The following SHH variants were observed in gnomAD, a reference collection of about 807,000 sequenced individuals.
SHH encodes sonic hedgehog protein.
SHH carries 3 observed loss-of-function variants against 16.6 expected under a neutral mutation model. The ratio of observed to expected loss-of-function variants is 0.18; its 90% CI spans 0.08 to 0.47. The LOEUF (loss-of-function observed/expected upper bound fraction) is 0.47, where lower values mean the gene tolerates loss of function less well. Ranked by LOEUF, SHH falls within the 20% of genes least tolerant of loss-of-function variation. The pLI is 0.98. For missense variants in SHH, 499 were observed against 665.0 expected (o/e 0.75, Z 2.75); for synonymous variants, 351 against 316.2 (o/e 1.11, Z -1.17).
rs1306061587 is a variant in SHH, at chr7:155,803,100, G to A, written c.1189C>T (p.Arg397Cys). ...LAALAPARTD[R>C]GGDSGGGDRG... ...TCCCCGCCGCCGCTGTCCCCGCCGC[G>A]GTCCGTGCGCGCGGGCGCCAGTGCA... The change falls in exon 3 of 3, where the codon CGC becomes TGC. Residue 397 changes from arginine to cysteine, a missense_variant. This residue lies in a region of SHH where 299 missense variants were observed against 301.1 expected (regional missense o/e 0.99). Coordinates refer to ENST00000297261, the MANE Select transcript of SHH (RefSeq NM_000193.4). 5 of 1,346,446 alleles carry A rather than the reference G, an allele frequency of 3.7e-6. No individual in the cohort carries two copies. Among genetic ancestry groups the A allele is most frequent in the East Asian group, 6.2e-5 (2 of 32,220 alleles). 83.4% of individuals were successfully genotyped at this position (1,346,446 alleles called of 1,614,324 possible). A position where few individuals can be genotyped will look rare whatever the true frequency, so the allele number is the denominator to read the frequency against.
In SHH at chr7:155,809,959, C is replaced by T. The variant is rs1022804119; in HGVS notation, c.300+1864G>A. Among the ~76,000 whole-genome samples, 1 of 151,700 alleles carries T rather than the reference C, an allele frequency of 6.6e-6. No homozygotes were observed. Among genetic ancestry groups the T allele is most frequent in the African/African-American group, 2.4e-5 (1 of 41,384 alleles). ...GGCGGAGCCCGCGATGCGCCCCGGC[C>T]CCTGCGCGGGCGCCCCCATCTCCGC... On this transcript the variant is annotated intron_variant, in intron 1 of 2. Coordinates refer to ENST00000297261, the MANE Select transcript of SHH (RefSeq NM_000193.4). This position sits in a 1 kb window ranked among gnomAD's most constrained non-coding sequence, Gnocchi z 6.1.
rs1023281072 is a variant in SHH, at chr7:155,809,823, C to T, written c.300+2000G>A. ...CTGGGCCCTGCGTCCCCCGGCAGGG[C>T]GGACGGGGGTCGGGGGGAGGCCCCC... is the stretch of plus-strand genomic sequence containing the variant. On this transcript the variant is annotated intron_variant, in intron 1 of 2. Coordinates refer to ENST00000297261, the MANE Select transcript of SHH (RefSeq NM_000193.4). This position sits in a 1 kb window ranked among gnomAD's most constrained non-coding sequence, Gnocchi z 6.1. Among the ~76,000 whole-genome samples the T allele has an allele frequency of 6.6e-6, 1 of 151,760 alleles. No individual in the cohort carries two copies. Among genetic ancestry groups the T allele is most frequent in the Non-Finnish European group, 1.5e-5 (1 of 67,894 alleles).
Position 155,803,421 on chromosome 7 carries a change from C to T in SHH, c.868G>A (p.Gly290Ser), listed in dbSNP as rs1352873388. Residue 290 changes from glycine (G) to serine (S), a missense_variant, in exon 3 of 3, where the codon GGC (glycine) becomes AGC (serine). Physicochemically the swap from Gly to Ser is moderately conservative, Grantham distance 56. Around this residue, in one of 4 missense-constraint regions of SHH, gnomAD observed 299 missense variants for 301.1 expected, o/e 0.99. Transcript: ENST00000297261. ...GCGCCCCCGGAAGGCGGCCCCGAGC[C>T]CGAGGACGCCTCGGGCTCCCCGGTG... Reference protein sequence around the residue: ...SATGEPEASSGSGPPSGGALG... With the variant: ...SATGEPEASSSSGPPSGGALG... 11 of 1,529,890 alleles carry T rather than the reference C, an allele frequency of 7.2e-6. No individual in the cohort carries two copies. The South Asian group carries it at 1.2e-4, about 17-fold the overall frequency. 94.8% of individuals were successfully genotyped at this position (1,529,890 alleles called of 1,614,324 possible). A position where few individuals can be genotyped will look rare whatever the true frequency, so the allele number is the denominator to read the frequency against.
intron 1 of SHH, 26 bp from the exon 2 acceptor site, chr7:155,806,583 G>A: frequency 6.2e-7 from 1 of 1,610,112 alleles, no homozygotes; most frequent in African/African-American, 1.3e-5. Context: ...GACCCCCACC[G>A]ACGGACACGT....
intron 1 of SHH, among the ~76,000 whole-genome samples, chr7:155,808,563 G>A (rs982613137): frequency 2.6e-5 from 4 of 152,200 alleles, no homozygotes; most frequent in Admixed American, 2.0e-4. Context: ...GGTTGCTGGA[G>A]TTGGCGCCCC....
In SHH at chr7:155,802,004, T is replaced by C. The variant is rs1167451489; in HGVS notation, c.*896A>G. ...CTCCATCCTCGTGGGCTCGTCACTA[T>C]GTGCGCTTTTAAAAAATATTATTTT... On this transcript the variant is annotated 3_prime_UTR_variant, in exon 3 of 3. Coordinates refer to ENST00000297261, the MANE Select transcript of SHH (RefSeq NM_000193.4). 6.7e-6 allele frequency: 1 copy of C among 149,632 alleles called. No homozygotes were observed. The highest frequency in any genetic ancestry group is 6.7e-5 in the Admixed American group (1 of 14,876). The allele number at this position is 149,632 out of a possible 1,614,324, so 9.3% of individuals were successfully genotyped here. A position where few individuals can be genotyped will look rare whatever the true frequency, so the allele number is the denominator to read the frequency against.
rs1803166130 is a variant in SHH, at chr7:155,800,912, C to A, written c.*1988G>T. The A allele has an allele frequency of 7.4e-6, 2 of 269,214 alleles. No individual in the cohort carries two copies. The highest frequency in any genetic ancestry group is 7.5e-6 in the Non-Finnish European group (1 of 133,330). The allele number at this position is 269,214 out of a possible 1,614,324, so 16.7% of individuals were successfully genotyped here. On this transcript the variant is annotated 3_prime_UTR_variant, in exon 3 of 3. Transcript: ENST00000297261. ...CCTGGACCACCTTCTACACAGGCTG[C>A]AGCTGCTGGGAGGCCCCAAGCTCAT... is the stretch of plus-strand genomic sequence containing the variant.
intron 1 of SHH, among the ~76,000 whole-genome samples, chr7:155,808,367 C>G (rs1408556007): frequency 6.6e-6 from 1 of 152,242 alleles, no homozygotes; most frequent in Non-Finnish European, 1.5e-5. Flanking sequence ...TGGGGCTGTG[C>G]CGAAGAAGCT....
At position 155,800,085 on chromosome 7, in the gene SHH, C is replaced by G; in HGVS notation, c.*2815G>C. On this transcript the variant is annotated 3_prime_UTR_variant, in exon 3 of 3. Coordinates refer to ENST00000297261, the MANE Select transcript of SHH (RefSeq NM_000193.4). Reference sequence around the variant, plus strand: ...TGACAGGAATAGATATGCATTTAGTCATGAGGGAGGCTGGCAGCAACCACC... The same window carrying G: ...TGACAGGAATAGATATGCATTTAGTGATGAGGGAGGCTGGCAGCAACCACC... 2.1e-6 allele frequency: 1 copy of G among 471,692 alleles called. No individual in the cohort carries two copies. 29.2% of individuals were successfully genotyped at this position (471,692 alleles called of 1,614,324 possible).
In SHH at chr7:155,803,216, C is replaced by T. The variant is rs1803243901; in HGVS notation, c.1073G>A (p.Arg358Gln). 4 of 1,512,396 alleles carry T rather than the reference C, an allele frequency of 2.6e-6. No homozygotes were observed. The highest frequency in any genetic ancestry group is 3.5e-6 in the Non-Finnish European group (4 of 1,136,280). The allele number at this position is 1,512,396 out of a possible 1,614,324, so 93.7% of individuals were successfully genotyped here. ...LTAQGTILIN[R>Q]VLASCYAVIE... ...GACCGCGTAGCACGAGGCCAGCACC[C>T]GGTTGATGAGAATGGTGCCCTGGGC... The change falls in exon 3 of 3, where the codon CGG becomes CAG. Residue 358 changes from arginine (R) to glutamine (Q), a missense_variant. Coordinates refer to ENST00000297261, the MANE Select transcript of SHH (RefSeq NM_000193.4).
At position 155,800,664 on chromosome 7, in the gene SHH, C is replaced by A; in HGVS notation, c.*2236G>T. On this transcript the variant is annotated 3_prime_UTR_variant, in exon 3 of 3. Coordinates refer to ENST00000297261, the MANE Select transcript of SHH (RefSeq NM_000193.4). ...TAAACACCAGCCTGGAACCTGCTGA[C>A]CACCTAGAACACCAAAGAAAAGTCT... The A allele has an allele frequency of 2.1e-6, 1 of 470,322 alleles. No individual in the cohort carries two copies. The highest frequency in any genetic ancestry group is 1.5e-5 in the South Asian group (1 of 64,572). The allele number at this position is 470,322 out of a possible 1,614,324, so 29.1% of individuals were successfully genotyped here. A position where few individuals can be genotyped will look rare whatever the true frequency, so the allele number is the denominator to read the frequency against.
At position 155,812,190 on chromosome 7, in the gene SHH, G is replaced by A. The variant is rs111495739; in HGVS notation, c.-68C>T. 1 of 1,440,112 alleles carries A rather than the reference G, an allele frequency of 6.9e-7. No individual in the cohort carries two copies. Among genetic ancestry groups the A allele is most frequent in the Non-Finnish European group, 9.8e-7 (1 of 1,023,422 alleles). 89.2% of individuals were successfully genotyped at this position (1,440,112 alleles called of 1,614,324 possible). On this transcript the variant is annotated 5_prime_UTR_variant, in exon 1 of 3. Transcript: ENST00000297261. ...GTCCGTGCGCGAGTGCGCGCGGCGG[G>A]TGTGTGCGTGTGCGCTCTCTCTTGC...
At chr7:155,811,260 C>G (rs905349345) in intron 1 of SHH, among the ~76,000 whole-genome samples, 31 of 152,350 alleles carry the variant, frequency 2.0e-4, no homozygotes, top group East Asian at 3.9e-4. Flanking sequence ...TTGTCAGAAC[C>G]GCCTCCTGGC....
At chr7:155,804,403 A>G (rs753815357) in intron 2 of SHH, among the ~76,000 whole-genome samples, 19 of 152,194 alleles carry the variant, frequency 1.2e-4, no homozygotes, top group Non-Finnish European at 1.3e-4. Context: ...TTTCTAATTA[A>G]AATCCAATAA....
chr7:155,806,073 T>A (rs1369575558), intron 2 of SHH, among the ~76,000 whole-genome samples: 1 of 152,082 alleles, frequency 6.6e-6, no homozygotes, highest in Non-Finnish European at 1.5e-5. Context: ...CAGGACCCCA[T>A]CTCGGGGCAT....
chr7:155,802,949 A>G lies in SHH; in HGVS notation c.1340T>C (p.Leu447Pro). The G allele has an allele frequency of 1.3e-6, 2 of 1,509,530 alleles. No individual in the cohort carries two copies. The highest frequency in any genetic ancestry group is 1.8e-6 in the Non-Finnish European group (2 of 1,126,024). The allele number at this position is 1,509,530 out of a possible 1,614,324, so 93.5% of individuals were successfully genotyped here. Residue 447 changes from leucine to proline, a missense_variant, in exon 3 of 3, where the codon CTG becomes CCG. By Grantham distance (98) the Leu-to-Pro change is moderately conservative. Around this residue, in one of 4 missense-constraint regions of SHH, gnomAD observed 299 missense variants for 301.1 expected, o/e 0.99. Coordinates refer to ENST00000297261, the MANE Select transcript of SHH (RefSeq NM_000193.4). ...QLLYQIGTWLLDSEALHPLGM... is the reference protein window; with the variant it reads ...QLLYQIGTWLPDSEALHPLGM... ...CAGCGGGTGCAGGGCCTCGCTGTCC[A>G]GGAGCCAGGTGCCTATTTGGTAGAG...
chr7:155,803,242 C>T lies in SHH; in HGVS notation c.1047G>A (p.Thr349=). 13 of 1,520,020 alleles carry T rather than the reference C, an allele frequency of 8.6e-6. No individual in the cohort carries two copies. Among genetic ancestry groups the T allele is most frequent in the Non-Finnish European group, 1.1e-5 (13 of 1,141,478 alleles). The allele number at this position is 1,520,020 out of a possible 1,614,324, so 94.2% of individuals were successfully genotyped here. Reference sequence around the variant, plus strand: ...GGTTGATGAGAATGGTGCCCTGGGCCGTGAGCGGCGCGTAGGCGCCCGCGG... The same window carrying T: ...GGTTGATGAGAATGGTGCCCTGGGCTGTGAGCGGCGCGTAGGCGCCCGCGG... ...EEAAGAYAPL[T]AQGTILINRV... Residue 349 remains threonine (T), a synonymous_variant, in exon 3 of 3, where the codon ACG becomes ACA. Transcript: ENST00000297261.
At chr7:155,811,539 G>C (rs775855649) in intron 1 of SHH, among the ~76,000 whole-genome samples, 4 of 152,158 alleles carry the variant, frequency 2.6e-5, no homozygotes, top group Non-Finnish European at 5.9e-5. Context: ...AGGTAGGATG[G>C]GGAAGGCCAT....
Position 155,807,978 on chromosome 7 carries a change from C to T in SHH, c.301-1421G>A, listed in dbSNP as rs1423042852. Among the ~76,000 whole-genome samples the T allele has an allele frequency of 6.6e-6, 1 of 152,082 alleles. No homozygotes were observed. The highest frequency in any genetic ancestry group is 2.4e-5 in the African/African-American group (1 of 41,412). On this transcript the variant is annotated intron_variant, in intron 1 of 2. Coordinates refer to ENST00000297261, the MANE Select transcript of SHH (RefSeq NM_000193.4). The surrounding 1 kb of genome is among the most constrained non-coding windows in gnomAD (Gnocchi z 7.1). ...AGAGGGTGGGGCGAGGACGCTGGCC[C>T]CACTGCTGCGGCGCTTTAAGGGGAC... is the stretch of plus-strand genomic sequence containing the variant.
Sources: gnomAD v4.1 joint callset for allele counts (sites outside exome capture counted in the v4.1 genomes callset) on GRCh38, gnomAD v4.1.1 for gene constraint, gnomAD v4.1.1 regional missense constraint, Gnocchi (gnomAD v3.1) non-coding constraint, MANE v1.5 for transcripts, NCBI Gene and HGNC (gene_info 2026-07-23, HGNC 2026-07-21) for gene names.